Variants in HOXC11 observed in about 807,000 individuals in gnomAD.
HOXC11 encodes the protein homeobox C11, also known as homeobox protein Hox-C11.
HOXC11 carries 17 observed loss-of-function variants against 23.6 expected under a neutral mutation model. That is an observed-to-expected ratio of 0.72 (90% CI 0.49 to 1.08). HOXC11 has a LOEUF of 1.08. HOXC11 is among the 50% of genes least tolerant of loss of function. The probability of loss-of-function intolerance (pLI) is 0.00; values close to 1 mark genes in which losing one functional copy is unlikely to be tolerated. For synonymous variants in HOXC11, 196 were observed against 183.8 expected, an observed-to-expected ratio of 1.07 and a Z score of -0.54; for missense variants, 413 against 412.1, an observed-to-expected ratio of 1.00 and a Z score of -0.02.
Position 53,977,548 on chromosome 12 carries a change from A to T in HOXC11, c.*2135A>T, listed in dbSNP as rs1423604893. Reference sequence around the variant, plus strand: ...TCATGTGCCCACACACAAACGTTTTATTTAACTCGGTGTGCCTATGGGTGC... The same window carrying T: ...TCATGTGCCCACACACAAACGTTTTTTTTAACTCGGTGTGCCTATGGGTGC... On this transcript the variant is annotated 3_prime_UTR_variant, in exon 2 of 2. Coordinates refer to ENST00000546378, the MANE Select transcript of HOXC11 (RefSeq NM_014212.4). 3.3e-5 allele frequency: 5 copies of T among 152,194 alleles called. No individual in the cohort carries two copies. Among genetic ancestry groups the T allele is most frequent in the African/African-American group, 1.2e-4 (5 of 41,446 alleles). 9.4% of individuals were successfully genotyped at this position (152,194 alleles called of 1,614,324 possible). A position where few individuals can be genotyped will look rare whatever the true frequency, so the allele number is the denominator to read the frequency against.
intron 1 of HOXC11, 199 bp from the exon 2 acceptor site, chr12:53,974,982 G>C (rs1939229345): frequency 3.5e-6 from 2 of 574,912 alleles, no homozygotes; most frequent in East Asian, 6.0e-5. Context: ...GTGGCGGGGG[G>C]GTGGGGACCC....
At position 53,973,756 on chromosome 12, in the gene HOXC11, C is replaced by A; in HGVS notation, c.515C>A (p.Ser172Tyr). The A allele has an allele frequency of 6.2e-7, 1 of 1,612,420 alleles. No homozygotes were observed. Among genetic ancestry groups the A allele is most frequent in the Non-Finnish European group, 8.5e-7 (1 of 1,179,570 alleles). The change falls in exon 1 of 2, where the codon TCC (serine) becomes TAC (tyrosine). Residue 172 changes from serine to tyrosine, a missense_variant. Physicochemically the swap from Ser to Tyr is moderately radical, Grantham distance 144. Transcript: ENST00000546378. The surrounding 1 kb of genome is among the most constrained non-coding windows in gnomAD (Gnocchi z 4.3). ...GGDPPAEPPC[S>Y]GKGEAKGEPE... ...GACCCGCCCGCCGAGCCCCCCTGCTCCGGCAAGGGCGAGGCCAAGGGGGAG... is the reference window on the plus strand; with the variant it reads ...GACCCGCCCGCCGAGCCCCCCTGCTACGGCAAGGGCGAGGCCAAGGGGGAG...
Position 53,973,859 on chromosome 12 carries a change from A to G in HOXC11, c.618A>G (p.Thr206=). 1.4e-6 allele frequency: 2 copies of G among 1,477,952 alleles called. No individual in the cohort carries two copies. The highest frequency in any genetic ancestry group is 1.8e-6 in the Non-Finnish European group (2 of 1,118,030). The allele number at this position is 1,477,952 out of a possible 1,614,324, so 91.6% of individuals were successfully genotyped here. A position where few individuals can be genotyped will look rare whatever the true frequency, so the allele number is the denominator to read the frequency against. The change falls in exon 1 of 2, where the codon ACA becomes ACG. Residue 206 remains threonine (T), a synonymous_variant. Transcript: ENST00000546378. This position sits in a 1 kb window ranked among gnomAD's most constrained non-coding sequence, Gnocchi z 4.3. The stretch of plus-strand genomic sequence containing the variant: ...AGGCGGAGGCTGAGGAGGAGAACAC[A>G]AATCCCAGCTCGTCCGGTTCAGCCC... ...GAEAEAEEEN[T]NPSSSGSAHS...
rs374695143 is a variant in HOXC11, at chr12:53,973,426, C to G, written c.185C>G (p.Pro62Arg). The change falls in exon 1 of 2, where the codon CCC becomes CGC. Residue 62 changes from proline to arginine, a missense_variant. Coordinates refer to ENST00000546378, the MANE Select transcript of HOXC11 (RefSeq NM_014212.4). This position sits in a 1 kb window ranked among gnomAD's most constrained non-coding sequence, Gnocchi z 4.3. Reference protein sequence around the residue: ...PQAPSRQISYPYSAQVPPVRE... With the variant: ...PQAPSRQISYRYSAQVPPVRE... ...GCCCCCTCTCGTCAGATCTCCTATC[C>G]CTACTCGGCCCAAGTGCCCCCGGTC... The G allele has an allele frequency of 5.6e-6, 9 of 1,614,224 alleles. No individual in the cohort carries two copies. Among genetic ancestry groups the G allele is most frequent in the Non-Finnish European group, 7.6e-6 (9 of 1,180,052 alleles).
rs906940814 is a variant in HOXC11 at position 53,975,820 on chromosome 12, C to T, written c.*407C>T. On this transcript the variant is annotated 3_prime_UTR_variant, in exon 2 of 2. Coordinates refer to ENST00000546378, the MANE Select transcript of HOXC11 (RefSeq NM_014212.4). ...CTTCCCTTGCCCATGTGAAAAGATC[C>T]GCTAAGACAGCATGTCTGCCAGCGG... is the stretch of plus-strand genomic sequence containing the variant. The T allele has an allele frequency of 1.6e-5, 7 of 437,174 alleles. No individual in the cohort carries two copies. Among genetic ancestry groups the T allele is most frequent in the Non-Finnish European group, 2.8e-5 (7 of 249,858 alleles). The allele number at this position is 437,174 out of a possible 1,614,324, so 27.1% of individuals were successfully genotyped here.
Position 53,973,712 on chromosome 12 carries a change from C to T in HOXC11, c.471C>T (p.Asn157=). ...AAGCCTTCGACCGTTTCTTCGACAA[C>T]GCCTACTGCGGTGGCGGCGACCCGC... The part of the protein sequence containing the change: ...LPQAFDRFFD[N]AYCGGGDPPA... The change falls in exon 1 of 2, where the codon AAC becomes AAT. Residue 157 remains asparagine (N), a synonymous_variant. Transcript: ENST00000546378. This position sits in a 1 kb window ranked among gnomAD's most constrained non-coding sequence, Gnocchi z 4.3. 1.2e-6 allele frequency: 2 copies of T among 1,613,490 alleles called. No homozygotes were observed. The highest frequency in any genetic ancestry group is 1.7e-6 in the Non-Finnish European group (2 of 1,180,020).
At chr12:53,974,982 G>T (rs1939229345) in intron 1 of HOXC11, 199 bp from the exon 2 acceptor site, 1 of 574,912 alleles carries the variant, frequency 1.7e-6, no homozygotes, top group Middle Eastern at 4.6e-4. Flanking sequence ...GTGGCGGGGG[G>T]GTGGGGACCC....
At position 53,973,209 on chromosome 12, in the gene HOXC11, A is replaced by T; in HGVS notation, c.-33A>T. 1 of 1,516,446 alleles carries T rather than the reference A, an allele frequency of 6.6e-7. No individual in the cohort carries two copies. Among genetic ancestry groups the T allele is most frequent in the Non-Finnish European group, 8.8e-7 (1 of 1,136,576 alleles). The allele number at this position is 1,516,446 out of a possible 1,614,324, so 93.9% of individuals were successfully genotyped here. A position where few individuals can be genotyped will look rare whatever the true frequency, so the allele number is the denominator to read the frequency against. ...CCCCCCTCGCTAGACCGGGTCCAAA[A>T]CCTCCATCCGGAGCCGGCAGGAGAG... On this transcript the variant is annotated 5_prime_UTR_variant, in exon 1 of 2. Coordinates refer to ENST00000546378, the MANE Select transcript of HOXC11 (RefSeq NM_014212.4). The surrounding 1 kb of genome is among the most constrained non-coding windows in gnomAD (Gnocchi z 4.3).
At chr12:53,974,694 CTG>C (rs1349083599) in intron 1 of HOXC11, among the ~76,000 whole-genome samples, 1 of 151,818 alleles carries the variant, frequency 6.6e-6, no homozygotes, top group Non-Finnish European at 1.5e-5. Flanking sequence ...AAGCGGCTCT[CTG>C]GTGTCTCGGT....
At chr12:53,975,159 T>G in intron 1 of HOXC11, 22 bp from the exon 2 acceptor site, 3 of 774,178 alleles carry the variant, frequency 3.9e-6, no homozygotes, top group Non-Finnish European at 6.2e-6. Context: ...CTCCTCGCAC[T>G]TGCCCCCTCC....
Position 53,975,594 on chromosome 12 carries a change from T to A in HOXC11, c.*181T>A. ...ACCTCCTGGACCCTCTATCTGACTCTCGCTGTGGGACAGGGACCGGGCCTG... is the reference window on the plus strand; with the variant it reads ...ACCTCCTGGACCCTCTATCTGACTCACGCTGTGGGACAGGGACCGGGCCTG... On this transcript the variant is annotated 3_prime_UTR_variant, in exon 2 of 2. Transcript: ENST00000546378. The A allele has an allele frequency of 1.5e-6, 1 of 659,332 alleles. No individual in the cohort carries two copies. The highest frequency in any genetic ancestry group is 1.7e-5 in the South Asian group (1 of 58,970). The allele number at this position is 659,332 out of a possible 1,614,324, so 40.8% of individuals were successfully genotyped here. A position where few individuals can be genotyped will look rare whatever the true frequency, so the allele number is the denominator to read the frequency against.
chr12:53,975,791 A>C lies in HOXC11; in HGVS notation c.*378A>C. 4.2e-6 allele frequency: 2 copies of C among 470,812 alleles called. No homozygotes were observed. The highest frequency in any genetic ancestry group is 7.4e-6 in the Non-Finnish European group (2 of 269,518). 29.2% of individuals were successfully genotyped at this position (470,812 alleles called of 1,614,324 possible). A position where few individuals can be genotyped will look rare whatever the true frequency, so the allele number is the denominator to read the frequency against. On this transcript the variant is annotated 3_prime_UTR_variant, in exon 2 of 2. Transcript: ENST00000546378. ...CTGAGCCGAACAATCCTCGAACTAA[A>C]AGCCTTCCCTTGCCCATGTGAAAAG...
rs1236060857 is a variant in HOXC11 at position 53,976,936 on chromosome 12, C to T, written c.*1523C>T. On this transcript the variant is annotated 3_prime_UTR_variant, in exon 2 of 2. Transcript: ENST00000546378. ...AGGAAGGAGGGGACAGAAGGAGAAACCAGCCCCCTCCCTCTCCTCTCCACA... is the reference window on the plus strand; with the variant it reads ...AGGAAGGAGGGGACAGAAGGAGAAATCAGCCCCCTCCCTCTCCTCTCCACA... 6.6e-6 allele frequency: 1 copy of T among 151,420 alleles called. No homozygotes were observed. Among genetic ancestry groups the T allele is most frequent in the Non-Finnish European group, 1.5e-5 (1 of 67,894 alleles). The allele number at this position is 151,420 out of a possible 1,614,324, so 9.4% of individuals were successfully genotyped here. A position where few individuals can be genotyped will look rare whatever the true frequency, so the allele number is the denominator to read the frequency against.
At position 53,976,184 on chromosome 12, in the gene HOXC11, TG is replaced by T. The variant is rs1165911099; in HGVS notation, c.*774del. ...TGGGGTGGTGGAGGCAGTAGGGAGATGGGATTGGGCACCTCCCCCGTGCTGG... is the reference window on the plus strand; with the variant it reads ...TGGGGTGGTGGAGGCAGTAGGGAGATGGATTGGGCACCTCCCCCGTGCTGG... On this transcript the variant is annotated 3_prime_UTR_variant, in exon 2 of 2. Coordinates refer to ENST00000546378, the MANE Select transcript of HOXC11 (RefSeq NM_014212.4). The T allele has an allele frequency of 4.7e-6, 1 of 212,854 alleles. No individual in the cohort carries two copies. The highest frequency in any genetic ancestry group is 9.2e-6 in the Non-Finnish European group (1 of 109,044). 13.2% of individuals were successfully genotyped at this position (212,854 alleles called of 1,614,324 possible). A position where few individuals can be genotyped will look rare whatever the true frequency, so the allele number is the denominator to read the frequency against.
chr12:53,976,123 A>G lies in HOXC11; in HGVS notation c.*710A>G. 6.7e-6 allele frequency: 1 copy of G among 149,148 alleles called. No individual in the cohort carries two copies. 9.2% of individuals were successfully genotyped at this position (149,148 alleles called of 1,614,324 possible). Reference sequence around the variant, plus strand: ...TATAGCTATAGTCTATGCAGTCGTTACCTCTTTTTTTTTTTTTTTTAAGAA... The same window carrying G: ...TATAGCTATAGTCTATGCAGTCGTTGCCTCTTTTTTTTTTTTTTTTAAGAA... On this transcript the variant is annotated 3_prime_UTR_variant, in exon 2 of 2. Transcript: ENST00000546378.
chr12:53,974,008 G>A (rs1939201732), intron 1 of HOXC11, 85 bp downstream of exon 1: 19 of 1,191,986 alleles, frequency 1.6e-5, no homozygotes, highest in Non-Finnish European at 2.0e-5. Context: ...GGCAAGGGGA[G>A]CGGGGACGGC....
At chr12:53,974,254 G>A (rs1939207359) in intron 1 of HOXC11, among the ~76,000 whole-genome samples, 2 of 149,688 alleles carry the variant, frequency 1.3e-5, no homozygotes, top group East Asian at 2.1e-4. Context: ...AACTTTGATC[G>A]TGAACTTAGA....
chr12:53,974,041 T>G, intron 1 of HOXC11, 118 bp downstream of exon 1: 4 of 775,966 alleles, frequency 5.2e-6, no homozygotes, highest in Non-Finnish European at 7.8e-6. Flanking sequence ...GTCAGTCCGA[T>G]TTTATGTGGA....
In HOXC11 at chr12:53,976,502, G is replaced by GAGGC. The variant is rs1555180335; in HGVS notation, c.*1100_*1103dup. ...TCCCATGGCAGCGGCGGAGGAGGAG[G>GAGGC]AGGCAGGCAGGCAGAGCCCAGCGGG... On this transcript the variant is annotated 3_prime_UTR_variant, in exon 2 of 2. Transcript: ENST00000546378. 5.7e-6 allele frequency: 1 copy of GAGGC among 175,260 alleles called. No homozygotes were observed. Among genetic ancestry groups the GAGGC allele is most frequent in the Non-Finnish European group, 1.2e-5 (1 of 81,082 alleles). 10.9% of individuals were successfully genotyped at this position (175,260 alleles called of 1,614,324 possible).
Sources: allele counts gnomAD v4.1 joint callset (sites outside exome capture counted in the v4.1 genomes callset), GRCh38; gene constraint gnomAD v4.1.1; non-coding constraint Gnocchi (gnomAD v3.1); transcripts MANE v1.5; gene names NCBI Gene and HGNC (gene_info 2026-07-23, HGNC 2026-07-21).